OCA2: variants seen among roughly 807,000 people sequenced by gnomAD.
The protein encoded by OCA2 is P protein.
Under a neutral mutation model 100.2 loss-of-function variants are expected in OCA2, and 77 were observed. That is an observed-to-expected ratio of 0.77 (90% CI 0.64 to 0.93). The LOEUF (loss-of-function observed/expected upper bound fraction) is 0.93. Ranked by LOEUF, OCA2 falls within the 40% of genes least tolerant of loss-of-function variation. OCA2 has a pLI of 0.00. For synonymous variants in OCA2, 432 were observed against 439.2 expected (o/e 0.98, Z 0.21); for missense variants, 1,062 against 1,089.1 (o/e 0.98, Z 0.35).
In OCA2 at chr15:28,081,818, G is replaced by C; in HGVS notation, c.57C>G (p.Leu19=). 6.2e-7 allele frequency: 1 copy of C among 1,612,104 alleles called. No homozygotes were observed. Among genetic ancestry groups the C allele is most frequent in the Non-Finnish European group, 8.5e-7 (1 of 1,179,808 alleles). Residue 19 remains leucine, a synonymous_variant, in exon 2 of 24, where the codon CTC becomes CTG. Transcript: ENST00000354638. The stretch of plus-strand genomic sequence containing the variant: ...GTCCGCTGGGCACGGACGTCTGCAG[G>C]AGCTCCACCGCCGGCGCGCCGGGGT... The part of the protein sequence containing the change: ...RRYPGAPAVE[L]LQTSVPSGLA...
intron 2 of OCA2, among the ~76,000 whole-genome samples, chr15:28,078,820 G>A (rs1028754742): frequency 3.9e-5 from 6 of 152,184 alleles, no homozygotes. Flanking sequence ...AATAGATCCT[G>A]AATTCACTCT....
chr15:27,750,736 C>T (rs191463995), downstream of OCA2, among the ~76,000 whole-genome samples: 90 of 152,254 alleles, frequency 5.9e-4, no homozygotes, highest in African/African-American at 1.9e-3. Context: ...TAAAGACCAG[C>T]GGTGTGCTTA....
rs960169054 is a variant in OCA2 at position 27,930,424 on chromosome 15, C to G, written c.1952-4170G>C. Among the ~76,000 whole-genome samples the G allele has an allele frequency of 7.9e-5, 12 of 152,018 alleles. 1 individual carries two copies. In the South Asian group the frequency reaches 2.5e-3, roughly 32 times the overall value. Reference sequence around the variant, plus strand: ...TATATACCATTTTTAATATAAAGTTCTAGAAAATTTAAATAGCAGGGTTTG... The same window carrying G: ...TATATACCATTTTTAATATAAAGTTGTAGAAAATTTAAATAGCAGGGTTTG... On this transcript the variant is annotated intron_variant, in intron 18 of 23. Coordinates refer to ENST00000354638, the MANE Select transcript of OCA2 (RefSeq NM_000275.3).
At chr15:27,828,972 G>A (rs1245950948) in intron 23 of OCA2, among the ~76,000 whole-genome samples, 2 of 152,196 alleles carry the variant, frequency 1.3e-5, no homozygotes, top group Admixed American at 6.5e-5. Context: ...GCTGAGCACT[G>A]TCCTGAAGAC....
intron 12 of OCA2, 24 bp from the exon 13 acceptor site, chr15:27,985,212 G>A: frequency 1.2e-6 from 2 of 1,613,342 alleles, no homozygotes; most frequent in Non-Finnish European, 1.7e-6. Context: ...CACAGAGAGA[G>A]TACAAGCCAG....
chr15:27,848,073 T>TGAGGTTTG (rs1203343007), intron 22 of OCA2, among the ~76,000 whole-genome samples: 76 of 152,318 alleles, frequency 5.0e-4, no homozygotes, highest in African/African-American at 1.7e-3. Context: ...CTATGTTTTC[T>TGAGGTTTG]GAGGTTTGGT....
At chr15:27,839,483 G>A (rs1409134763) in intron 23 of OCA2, among the ~76,000 whole-genome samples, 4 of 152,182 alleles carry the variant, frequency 2.6e-5, no homozygotes, top group Non-Finnish European at 4.4e-5. Context: ...AAGTGATTTA[G>A]AAAGGCTAAA....
the OCA2 span, among the ~76,000 whole-genome samples, chr15:27,740,458 C>T: frequency 6.6e-6 from 1 of 152,104 alleles, no homozygotes; most frequent in Non-Finnish European, 1.5e-5. Flanking sequence ...TTCCTGGGTC[C>T]ACTCGTGCAT....
rs1331541739 is a variant in OCA2 at position 27,807,273 on chromosome 15, C to T, written c.2432+37686G>A. Among the ~76,000 whole-genome samples the T allele has an allele frequency of 5.9e-5, 9 of 152,268 alleles. No individual in the cohort carries two copies. The South Asian group carries it at 1.2e-3, about 21-fold the overall frequency. On this transcript the variant is annotated intron_variant, in intron 23 of 23. Transcript: ENST00000354638. The stretch of plus-strand genomic sequence containing the variant: ...AGCCATAGGGTCTTTCCCCAGGGCT[C>T]CTCCAGCCTCACCCCCACTCTCCTG...
At chr15:28,006,867 C>T (rs2042105552) in intron 9 of OCA2, among the ~76,000 whole-genome samples, 1 of 152,194 alleles carries the variant, frequency 6.6e-6, no homozygotes, top group Non-Finnish European at 1.5e-5. Flanking sequence ...TGTTATGATA[C>T]GTGCATTGGG....
At chr15:28,073,857 G>A (rs2044341812) in intron 2 of OCA2, among the ~76,000 whole-genome samples, 1 of 152,112 alleles carries the variant, frequency 6.6e-6, no homozygotes, top group Admixed American at 6.5e-5. Context: ...GATTTCCAGG[G>A]GTTAAAGATG....
Position 27,938,748 on chromosome 15 carries a change from T to A in OCA2, c.1952-12494A>T, listed in dbSNP as rs184925804. Among the ~76,000 whole-genome samples the A allele has an allele frequency of 2.6e-3, 402 of 152,230 alleles. 3 individuals carry two copies. Among genetic ancestry groups the A allele is most frequent in the African/African-American group, 9.4e-3 (390 of 41,534 alleles). Reference sequence around the variant, plus strand: ...CCAGCTCATTCACATTCTAAAGCACTCACATTGTCAGAGAAAGACAGTGGC... The same window carrying A: ...CCAGCTCATTCACATTCTAAAGCACACACATTGTCAGAGAAAGACAGTGGC... On this transcript the variant is annotated intron_variant, in intron 18 of 23. Coordinates refer to ENST00000354638, the MANE Select transcript of OCA2 (RefSeq NM_000275.3).
chr15:27,755,450 C>A lies in OCA2; in HGVS notation c.2455G>T (p.Val819Leu). 6.2e-7 allele frequency: 1 copy of A among 1,613,862 alleles called. No homozygotes were observed. The highest frequency in any genetic ancestry group is 1.1e-5 in the South Asian group (1 of 91,066). ...TAACACATCCCAACAGTGCAGGACACAACCATCATTGGGAAGCCCAGCCTG... is the reference window on the plus strand; with the variant it reads ...TAACACATCCCAACAGTGCAGGACAAAACCATCATTGGGAAGCCCAGCCTG... ...FFRLGFPMMV[V>L]SCTVGMCYLL... Residue 819 changes from valine (V) to leucine (L), a missense_variant, in exon 24 of 24, where the codon GTG (valine) becomes TTG (leucine). Transcript: ENST00000354638.
At chr15:27,972,812 C>G in intron 14 of OCA2, among the ~76,000 whole-genome samples, 1 of 147,226 alleles carries the variant, frequency 6.8e-6, no homozygotes. Context: ...TTTCTGTTTA[C>G]TTTGATGGTT....
chr15:27,992,989 T>C (rs1260795971), intron 9 of OCA2, among the ~76,000 whole-genome samples: 1 of 152,062 alleles, frequency 6.6e-6, no homozygotes, highest in Non-Finnish European at 1.5e-5. Context: ...CCAGGTGTGG[T>C]GGCACACACC....
chr15:27,976,238 G>T (rs544884439), intron 14 of OCA2, among the ~76,000 whole-genome samples: 1 of 152,126 alleles, frequency 6.6e-6, no homozygotes, highest in Non-Finnish European at 1.5e-5. Flanking sequence ...TACCAATATT[G>T]ATGCTTTGTA....
intron 23 of OCA2, 104 bp from the exon 24 acceptor site, chr15:27,755,576 TC>T: frequency 1.2e-6 from 1 of 832,836 alleles, no homozygotes; most frequent in Non-Finnish European, 2.1e-6. Context: ...CTTTGCATTT[TC>T]ACAATGGCCA....
At chr15:27,727,190 G>C in the OCA2 span, among the ~76,000 whole-genome samples, 25 of 152,366 alleles carry the variant, frequency 1.6e-4, no homozygotes, top group African/African-American at 6.0e-4. Flanking sequence ...AGTCTGAAGA[G>C]AGAATTGAGC....
At position 27,779,060 on chromosome 15, in the gene OCA2, T is replaced by C. The variant is rs2032400625; in HGVS notation, c.2433-23588A>G. 2.0e-5 allele frequency among the ~76,000 whole-genome samples: 3 copies of C among 152,346 alleles called. No homozygotes were observed. The South Asian group carries it at 6.2e-4, about 32-fold the overall frequency. On this transcript the variant is annotated intron_variant, in intron 23 of 23. Transcript: ENST00000354638. ...GAAGTTTACTAAAACTGTTAGGCAT[T>C]AAAGTACTGGAGTTTCCTACAATAC...
Sources: gnomAD v4.1 joint callset for allele counts (sites outside exome capture counted in the v4.1 genomes callset) on GRCh38, gnomAD v4.1.1 for gene constraint, MANE v1.5 for transcripts, NCBI Gene and HGNC (gene_info 2026-07-23, HGNC 2026-07-21) for gene names.